The following ELMO2 variants were observed in gnomAD, a reference collection of about 807,000 sequenced individuals.
ELMO2 encodes engulfment and cell motility 2.
ELMO2 carries 37 observed loss-of-function variants against 96.2 expected under a neutral mutation model. The observed-to-expected ratio is 0.38, with a 90% CI of 0.30 to 0.51. The LOEUF is 0.51. Among genes scored for constraint, ELMO2 ranks in the 20% least tolerant of loss-of-function variants. The pLI is 0.88. For synonymous variants in ELMO2, 315 were observed against 329.4 expected (o/e 0.96, Z 0.47); for missense variants, 561 against 912.6 (o/e 0.61, Z 4.96).
At chr20:46,405,503 G>A (rs2060417992) in intron 1 of ELMO2, among the ~76,000 whole-genome samples, 1 of 152,166 alleles carries the variant, frequency 6.6e-6, no homozygotes, top group South Asian at 2.1e-4. Flanking sequence ...CAGCGGGACC[G>A]GATCTCCAGG....
In ELMO2 at chr20:46,383,365, G is replaced by A. The variant is rs750354395; in HGVS notation, c.756+51C>T. ...GCATAGCAAAGAGTGCATGGGGTGA[G>A]AATTATCTCAGAAGAGCCCAGATGA... On this transcript the variant is annotated intron_variant, in intron 10 of 21. Coordinates refer to ENST00000290246, the MANE Select transcript of ELMO2 (RefSeq NM_133171.5). 42 of 1,542,296 alleles carry A rather than the reference G, an allele frequency of 2.7e-5. 2 individuals carry two copies. In the South Asian group the frequency reaches 4.6e-4, roughly 17 times the overall value.
intron 1 of ELMO2, among the ~76,000 whole-genome samples, chr20:46,400,508 T>C (rs2060317804): frequency 6.6e-6 from 1 of 152,256 alleles, no homozygotes; most frequent in Non-Finnish European, 1.5e-5. Context: ...TGTAGCTCAA[T>C]TGCAAACCAC....
chr20:46,388,981 C>A (rs2060099125), intron 7 of ELMO2, 58 bp downstream of exon 7: 1 of 1,548,302 alleles, frequency 6.5e-7, no homozygotes, highest in South Asian at 1.2e-5. Flanking sequence ...GACTAGGATG[C>A]CCTGTGGGAT....
At chr20:46,377,878 C>A (rs6011949) in intron 11 of ELMO2, among the ~76,000 whole-genome samples, 4,522 of 152,240 alleles carry the variant, frequency 0.03, 235 homozygotes, top group African/African-American at 0.1. Context: ...CCCACTCCCC[C>A]CAGTCTCTCT....
intron 7 of ELMO2, 195 bp from the exon 8 acceptor site, chr20:46,387,632 CA>C (rs60792576): frequency 0.057 from 6,169 of 108,800 alleles, 269 homozygotes; most frequent in African/African-American, 0.18. Context: ...TCTATCGCTG[CA>C]AAAAAAAAAA....
At chr20:46,370,413 C>G in intron 20 of ELMO2, 30 bp downstream of exon 20, 2 of 1,603,902 alleles carry the variant, frequency 1.2e-6, no homozygotes, top group Non-Finnish European at 1.7e-6. Flanking sequence ...TATCACTGGG[C>G]CAGCTACTCA....
intron 6 of ELMO2, chr20:46,390,838 T>A (rs2060138664): frequency 6.6e-6 from 1 of 152,226 alleles, no homozygotes; most frequent in Non-Finnish European, 1.5e-5. Flanking sequence ...CTTTTACTAT[T>A]ACAAAGCTGG....
intron 6 of ELMO2, among the ~76,000 whole-genome samples, chr20:46,390,400 A>G (rs193161244): frequency 2.0e-5 from 3 of 152,312 alleles, no homozygotes; most frequent in African/African-American, 4.8e-5. Flanking sequence ...CTTAGAATCC[A>G]TATGATTGTT....
intron 2 of ELMO2, among the ~76,000 whole-genome samples, chr20:46,397,194 A>G (rs1600886471): frequency 6.6e-6 from 1 of 152,206 alleles, no homozygotes; most frequent in East Asian, 1.9e-4. Context: ...GGAGATTTGC[A>G]ACCACCAAAC....
At chr20:46,386,003 TGAA>T in intron 9 of ELMO2, 118 bp downstream of exon 9, 2 of 1,148,008 alleles carry the variant, frequency 1.7e-6, no homozygotes, top group Non-Finnish European at 2.4e-6. Flanking sequence ...AGGTGATGAA[TGAA>T]GAAGCCAACC....
intron 6 of ELMO2, among the ~76,000 whole-genome samples, chr20:46,389,614 G>GC (rs1324604490): frequency 6.6e-6 from 1 of 152,128 alleles, no homozygotes; most frequent in African/African-American, 2.4e-5. Flanking sequence ...GCTTTGAAAG[G>GC]CCAAGGCAGG....
At chr20:46,374,473 G>A in intron 14 of ELMO2, 33 bp from the exon 15 acceptor site, 1 of 1,612,170 alleles carries the variant, frequency 6.2e-7, no homozygotes. Context: ...GGATTAGGGA[G>A]ATGAAGGAGG....
Position 46,375,053 on chromosome 20 carries a change from GCA to G in ELMO2, c.1065+181_1065+182del, listed in dbSNP as rs2059830172. ...GATTCGTTTCACAGGGCCAAACTTT[GCA>G]CATAAACTCACAGACTCACCATCAA... On this transcript the variant is annotated intron_variant, in intron 13 of 21. Coordinates refer to ENST00000290246, the MANE Select transcript of ELMO2 (RefSeq NM_133171.5). The surrounding 1 kb of genome is among the most constrained non-coding windows in gnomAD (Gnocchi z 4.6). Among the ~76,000 whole-genome samples, 3 of 152,116 alleles carry G rather than the reference GCA, an allele frequency of 2.0e-5. No homozygotes were observed. In the South Asian group the frequency reaches 6.2e-4, roughly 32 times the overall value.
At chr20:46,374,729 T>G in intron 13 of ELMO2, 89 bp from the exon 14 acceptor site, 1 of 1,116,750 alleles carries the variant, frequency 9.0e-7, no homozygotes. Flanking sequence ...CTCCTCTTGA[T>G]GCTGCTACCA....
At position 46,380,307 on chromosome 20, in the gene ELMO2, T is replaced by C. The variant is rs185950263; in HGVS notation, c.757-4A>G. 3.3e-4 allele frequency: 536 copies of C among 1,612,752 alleles called. 3 individuals carry two copies. In the African/African-American group the frequency reaches 6.5e-3, roughly 19 times the overall value. On this transcript the variant is annotated splice_polypyrimidine_tract_variant and splice_region_variant and intron_variant, in intron 10 of 21. Transcript: ENST00000290246. ...GTGCAAATGCATTTGCCATATCCTGTGGAGGAAAATAAGCAAATATAAGGC... is the reference window on the plus strand; with the variant it reads ...GTGCAAATGCATTTGCCATATCCTGCGGAGGAAAATAAGCAAATATAAGGC...
Position 46,374,614 on chromosome 20 carries a change from A to G in ELMO2, c.1092T>C (p.Phe364=), listed in dbSNP as rs373067857. The G allele has an allele frequency of 2.2e-5, 36 of 1,614,062 alleles. No individual in the cohort carries two copies. Among genetic ancestry groups the G allele is most frequent in the Non-Finnish European group, 2.5e-5 (30 of 1,180,024 alleles). The change falls in exon 14 of 22, where the codon TTT becomes TTC. Residue 364 remains phenylalanine (F), a synonymous_variant. Transcript: ENST00000290246. ...FTNHINPAMD[F]TQTPPGMLAL... is the part of the protein sequence containing the mutation. ...CCAGCATTCCAGGAGGAGTCTGGGT[A>G]AAGTCCATGGCTGGATTGATGTGGT...
At chr20:46,379,423 G>A (rs965276941) in intron 11 of ELMO2, among the ~76,000 whole-genome samples, 7 of 152,074 alleles carry the variant, frequency 4.6e-5, no homozygotes, top group Non-Finnish European at 7.4e-5. Flanking sequence ...AGATCCCCCT[G>A]CCAGCTCCTG....
chr20:46,383,146 C>T (rs2059986087), intron 10 of ELMO2, among the ~76,000 whole-genome samples: 1 of 152,162 alleles, frequency 6.6e-6, no homozygotes, highest in East Asian at 1.9e-4. Flanking sequence ...CCATATGGCC[C>T]ATAAAGTCAA....
chr20:46,388,481 T>C (rs540102126), intron 7 of ELMO2, among the ~76,000 whole-genome samples: 1 of 152,312 alleles, frequency 6.6e-6, no homozygotes, highest in East Asian at 1.9e-4. Flanking sequence ...TGGGGTATGA[T>C]GAAGATGCTT....
Sources: allele counts gnomAD v4.1 joint callset (sites outside exome capture counted in the v4.1 genomes callset), GRCh38; gene constraint gnomAD v4.1.1; non-coding constraint Gnocchi (gnomAD v3.1); transcripts MANE v1.5; gene names NCBI Gene and HGNC (gene_info 2026-07-23, HGNC 2026-07-21).